The following KCNT2 variants were observed in gnomAD, a reference collection of about 807,000 sequenced individuals.
The protein encoded by KCNT2 is potassium channel subfamily T member 2.
Under a neutral mutation model 153.8 loss-of-function variants are expected in KCNT2, and 67 were observed. The ratio of observed to expected loss-of-function variants is 0.44; its 90% CI spans 0.36 to 0.53. The LOEUF (loss-of-function observed/expected upper bound fraction) is 0.53. Among genes scored for constraint, KCNT2 ranks in the 20% least tolerant of loss-of-function variants. KCNT2 has a pLI of 0.00. For missense variants in KCNT2, 975 were observed against 1,354.8 expected, an observed-to-expected ratio of 0.72 and a Z score of 4.40; for synonymous variants, 500 against 458.8, an observed-to-expected ratio of 1.09 and a Z score of -1.15.
chr1:196,481,496 T>C (rs1399438951), intron 4 of KCNT2, among the ~76,000 whole-genome samples: 2 of 152,192 alleles, frequency 1.3e-5, no homozygotes. Context: ...AGTTTAAAGA[T>C]TGCTCCTAAG....
Position 196,434,962 on chromosome 1 carries a change from C to T in KCNT2, c.639-5205G>A, listed in dbSNP as rs561656793. On this transcript the variant is annotated intron_variant, in intron 8 of 27. Transcript: ENST00000294725. ...TAATAGTAGGGCCATCTTACATCCT[C>T]CATTTCTCCTCAGGCCATTACTGAA... is the stretch of plus-strand genomic sequence containing the variant. Among the ~76,000 whole-genome samples, 14 of 151,324 alleles carry T rather than the reference C, an allele frequency of 9.3e-5. 3 individuals carry two copies. Among genetic ancestry groups the T allele is most frequent in the African/African-American group, 3.4e-4 (14 of 41,272 alleles).
intron 23 of KCNT2, among the ~76,000 whole-genome samples, chr1:196,283,855 T>G (rs1659363309): frequency 6.6e-6 from 1 of 151,648 alleles, no homozygotes; most frequent in African/African-American, 2.4e-5. Context: ...AATATTTTGT[T>G]TCAGTTATAT....
chr1:196,267,904 T>C (rs920182261), intron 25 of KCNT2, among the ~76,000 whole-genome samples: 3 of 152,126 alleles, frequency 2.0e-5, no homozygotes, highest in Non-Finnish European at 4.4e-5. Context: ...CCATGGTACT[T>C]GAGCATGTCA....
chr1:196,493,285 T>C (rs1024594626), intron 1 of KCNT2, among the ~76,000 whole-genome samples: 1 of 151,290 alleles, frequency 6.6e-6, no homozygotes, highest in Non-Finnish European at 1.5e-5. Context: ...ATGGTAACAT[T>C]TTGAAAATGT....
At chr1:196,597,440 G>A (rs1423078026) in intron 1 of KCNT2, among the ~76,000 whole-genome samples, 1 of 151,372 alleles carries the variant, frequency 6.6e-6, no homozygotes, top group Non-Finnish European at 1.5e-5. Flanking sequence ...TCTACTTTAA[G>A]AGAACAATTC....
chr1:196,233,275 A>G (rs1367783519), intron 27 of KCNT2, among the ~76,000 whole-genome samples: 1 of 151,440 alleles, frequency 6.6e-6, no homozygotes, highest in Non-Finnish European at 1.5e-5. Flanking sequence ...ATGCTCCTGT[A>G]TTCTAACCAG....
At chr1:196,522,025 A>T (rs1472582167) in intron 1 of KCNT2, among the ~76,000 whole-genome samples, 1 of 152,206 alleles carries the variant, frequency 6.6e-6, no homozygotes, top group African/African-American at 2.4e-5. Context: ...TAAGTAATTA[A>T]TTAATTAAAT....
At chr1:196,532,389 T>C (rs947302397) in intron 1 of KCNT2, among the ~76,000 whole-genome samples, 4 of 152,030 alleles carry the variant, frequency 2.6e-5, no homozygotes, top group African/African-American at 9.7e-5. Context: ...AACAGCTAAG[T>C]TCATTTTTAA....
intron 1 of KCNT2, among the ~76,000 whole-genome samples, chr1:196,515,483 C>G (rs1681973260): frequency 6.6e-6 from 1 of 152,104 alleles, no homozygotes; most frequent in Non-Finnish European, 1.5e-5. Context: ...TTAACATTAA[C>G]AAGGAAGATG....
intron 14 of KCNT2, among the ~76,000 whole-genome samples, chr1:196,357,223 G>T (rs1346224764): frequency 6.6e-6 from 1 of 151,880 alleles, no homozygotes; most frequent in Non-Finnish European, 1.5e-5. Flanking sequence ...TTATTATGCG[G>T]ATTGCAATAG....
intron 27 of KCNT2, among the ~76,000 whole-genome samples, chr1:196,235,257 T>C (rs921518750): frequency 2.0e-5 from 3 of 151,422 alleles, no homozygotes; most frequent in South Asian, 2.1e-4. Flanking sequence ...TTCTGGAATG[T>C]CCTCTCTTCT....
At chr1:196,514,226 G>GT (rs750690821) in intron 1 of KCNT2, among the ~76,000 whole-genome samples, 2 of 152,152 alleles carry the variant, frequency 1.3e-5, no homozygotes, top group Admixed American at 6.5e-5. Flanking sequence ...CATTTGCTGA[G>GT]TGTTGAATGA....
At chr1:196,333,650 G>A (rs1490663478) in intron 17 of KCNT2, among the ~76,000 whole-genome samples, 197 bp downstream of exon 17, 1 of 152,024 alleles carries the variant, frequency 6.6e-6, no homozygotes, top group African/African-American at 2.4e-5. Context: ...GAAACTTGAG[G>A]GCTTATAATG....
At chr1:196,301,997 C>T (rs1214561166) in intron 22 of KCNT2, among the ~76,000 whole-genome samples, 1 of 152,152 alleles carries the variant, frequency 6.6e-6, no homozygotes, top group Non-Finnish European at 1.5e-5. Context: ...GCCTCAACCT[C>T]CCAAAGTGCT....
chr1:196,315,293 C>T (rs547225081), intron 21 of KCNT2, among the ~76,000 whole-genome samples: 12 of 151,554 alleles, frequency 7.9e-5, no homozygotes, highest in African/African-American at 1.2e-4. Context: ...GAATGACAGA[C>T]GAGTTTGACT....
chr1:196,411,460 A>AC (rs1359881546), intron 12 of KCNT2, among the ~76,000 whole-genome samples: 1 of 149,776 alleles, frequency 6.7e-6, no homozygotes, highest in Admixed American at 6.7e-5. Context: ...AAAAAAAAAA[A>AC]AAAAAAAAAC....
intron 13 of KCNT2, among the ~76,000 whole-genome samples, chr1:196,387,929 CTTT>C (rs1171819729): frequency 7.7e-6 from 1 of 130,660 alleles, no homozygotes; most frequent in Admixed American, 7.6e-5. Flanking sequence ...GCCAATTTTT[CTTT>C]TTTTTTTTTT....
intron 26 of KCNT2, among the ~76,000 whole-genome samples, chr1:196,238,518 T>C (rs548721272): frequency 5.8e-4 from 88 of 152,122 alleles, no homozygotes; most frequent in Admixed American, 2.6e-3. Context: ...CACTGACTTT[T>C]CCTAAGGGAG....
In KCNT2 at chr1:196,283,837, G is replaced by A. The variant is rs572883040; in HGVS notation, c.2698-1481C>T. ...AGCAAATTATGAGCAGAAAGGGTAAGTGTTGTTAATATTTTGTTTCAGTTA... is the reference window on the plus strand; with the variant it reads ...AGCAAATTATGAGCAGAAAGGGTAAATGTTGTTAATATTTTGTTTCAGTTA... On this transcript the variant is annotated intron_variant, in intron 23 of 27. Coordinates refer to ENST00000294725, the MANE Select transcript of KCNT2 (RefSeq NM_198503.5). Among the ~76,000 whole-genome samples the A allele has an allele frequency of 4.1e-4, 62 of 152,216 alleles. No homozygotes were observed. The South Asian group carries it at 5.0e-3, about 12-fold the overall frequency.
Sources: allele counts gnomAD v4.1 joint callset (sites outside exome capture counted in the v4.1 genomes callset), GRCh38; gene constraint gnomAD v4.1.1; transcripts MANE v1.5; gene names NCBI Gene and HGNC (gene_info 2026-07-23, HGNC 2026-07-21).